C9: variants seen among roughly 807,000 people sequenced by gnomAD.
The protein encoded by C9 is complement component C9.
C9 carries 63 observed loss-of-function variants against 65.4 expected under a neutral mutation model. The observed-to-expected ratio is 0.96, with a 90% CI of 0.79 to 1.19. The LOEUF is 1.19. Among genes scored for constraint, C9 ranks in the 50% most tolerant of loss-of-function variants. The pLI is 0.00. For missense variants in C9, 744 were observed against 670.1 expected (o/e 1.11, Z -1.22); for synonymous variants, 229 against 227.9 (o/e 1.00, Z -0.04).
chr5:39,313,902 C>A (rs897933700), intron 6 of C9, among the ~76,000 whole-genome samples: 1 of 152,118 alleles, frequency 6.6e-6, no homozygotes, highest in African/African-American at 2.4e-5. Context: ...ACTGGTCTCC[C>A]TCTCCAAATC....
At chr5:39,288,413 A>G (rs925627707) in intron 10 of C9, among the ~76,000 whole-genome samples, 8 of 151,820 alleles carry the variant, frequency 5.3e-5, no homozygotes, top group Middle Eastern at 3.2e-3. Context: ...ACATTCATCA[A>G]TTCTATATAG....
At position 39,288,675 on chromosome 5, in the gene C9, C is replaced by T. The variant is rs878857017; in HGVS notation, c.1645+48G>A. The T allele has an allele frequency of 3.0e-6, 3 of 989,356 alleles. 1 individual carries two copies. In the Admixed American group the frequency reaches 5.1e-5, roughly 17 times the overall value. The allele number at this position is 989,356 out of a possible 1,614,324, so 61.3% of individuals were successfully genotyped here. On this transcript the variant is annotated intron_variant, in intron 10 of 10. Transcript: ENST00000263408. ...AGCTAGTTTTCAAATTAGATAACCC[C>T]AAAGTGCATATTTTTGTCTTTAATC...
chr5:39,335,795 C>T (rs1349725858), intron 4 of C9, among the ~76,000 whole-genome samples: 1 of 150,304 alleles, frequency 6.7e-6, no homozygotes, highest in African/African-American at 2.4e-5. Flanking sequence ...ATGGGAGGGT[C>T]ATTAAAAGAG....
intron 6 of C9, among the ~76,000 whole-genome samples, chr5:39,312,040 G>A (rs1033719411): frequency 1.3e-5 from 2 of 152,086 alleles, no homozygotes; most frequent in Non-Finnish European, 2.9e-5. Flanking sequence ...GGTAGGGAAC[G>A]GAAAAGGGCA....
At chr5:39,352,880 C>T (rs998128413) in intron 1 of C9, among the ~76,000 whole-genome samples, 1 of 150,886 alleles carries the variant, frequency 6.6e-6, no homozygotes, top group Non-Finnish European at 1.5e-5. Context: ...GGCAGAATAA[C>T]GACTCTCAAA....
intron 1 of C9, among the ~76,000 whole-genome samples, chr5:39,350,789 T>C (rs920860542): frequency 6.6e-6 from 1 of 152,174 alleles, no homozygotes; most frequent in Middle Eastern, 3.2e-3. Flanking sequence ...TGACATTGAG[T>C]GCCTGCAGCT....
At position 39,352,040 on chromosome 5, in the gene C9, A is replaced by T. The variant is rs368561108; in HGVS notation, c.78-9844T>A. ...GAGTTCCACAGATTGTATAGGAGGC[A>T]TGGCTGGGGAGGCCTCAGGAAACCC... On this transcript the variant is annotated intron_variant, in intron 1 of 10. Transcript: ENST00000263408. 5.1e-4 allele frequency among the ~76,000 whole-genome samples: 78 copies of T among 152,316 alleles called. 1 individual carries two copies. The highest frequency in any genetic ancestry group is 1.6e-3 in the African/African-American group (67 of 41,562).
chr5:39,326,913 C>A (rs1044004278), intron 5 of C9, among the ~76,000 whole-genome samples: 1 of 152,096 alleles, frequency 6.6e-6, no homozygotes, highest in Non-Finnish European at 1.5e-5. Flanking sequence ...GAAATATTAA[C>A]TTACAGTGTT....
intron 1 of C9, among the ~76,000 whole-genome samples, chr5:39,346,514 T>C (rs1288740791): frequency 1.3e-5 from 2 of 152,206 alleles, no homozygotes; most frequent in African/African-American, 2.4e-5. Flanking sequence ...GGCTCTGAAA[T>C]TGAGACAATA....
At position 39,321,013 on chromosome 5, in the gene C9, A is replaced by G. The variant is rs576396618; in HGVS notation, c.616-4984T>C. Among the ~76,000 whole-genome samples, 3 of 152,286 alleles carry G rather than the reference A, an allele frequency of 2.0e-5. No individual in the cohort carries two copies. The South Asian group carries it at 6.2e-4, about 32-fold the overall frequency. ...AAGTTCATTACCTCTAGACCTTCCT[A>G]TAAGAAATGCTAAAGGGAGTTCTTC... On this transcript the variant is annotated intron_variant, in intron 5 of 10. Coordinates refer to ENST00000263408, the MANE Select transcript of C9 (RefSeq NM_001737.5).
intron 1 of C9, among the ~76,000 whole-genome samples, chr5:39,363,173 C>A (rs1447288124): frequency 6.6e-6 from 1 of 152,184 alleles, no homozygotes; most frequent in African/African-American, 2.4e-5. Flanking sequence ...CTTTCCAAAT[C>A]CCTTTTGTGC....
At chr5:39,300,232 G>A (rs1054706949) in intron 9 of C9, among the ~76,000 whole-genome samples, 2 of 152,004 alleles carry the variant, frequency 1.3e-5, no homozygotes, top group African/African-American at 2.4e-5. Flanking sequence ...GGCCAGCATG[G>A]TGAAACCTGT....
intron 9 of C9, among the ~76,000 whole-genome samples, chr5:39,302,151 G>A (rs1283505589): frequency 1.3e-5 from 2 of 151,992 alleles, no homozygotes; most frequent in Non-Finnish European, 2.9e-5. Flanking sequence ...TTCAAATCCT[G>A]GAGTTAAAAA....
At chr5:39,286,385 A>G (rs1469137842) in intron 10 of C9, among the ~76,000 whole-genome samples, 3 of 152,068 alleles carry the variant, frequency 2.0e-5, no homozygotes, top group Non-Finnish European at 4.4e-5. Flanking sequence ...GAAACAATAT[A>G]TACTGGAACA....
intron 7 of C9, 140 bp downstream of exon 7, chr5:39,310,997 G>C: frequency 2.2e-6 from 2 of 920,060 alleles, no homozygotes; most frequent in South Asian, 2.8e-5. Flanking sequence ...AGGTGCCAAA[G>C]GGCAGGAAGA....
At chr5:39,350,904 G>T (rs1288486468) in intron 1 of C9, among the ~76,000 whole-genome samples, 1 of 152,200 alleles carries the variant, frequency 6.6e-6, no homozygotes, top group Non-Finnish European at 1.5e-5. Context: ...TAGGGACTCT[G>T]TGCAGGGGCT....
At position 39,303,325 on chromosome 5, in the gene C9, T is replaced by C. The variant is rs146941887; in HGVS notation, c.1416+3292A>G. On this transcript the variant is annotated intron_variant, in intron 9 of 10. Coordinates refer to ENST00000263408, the MANE Select transcript of C9 (RefSeq NM_001737.5). ...AAAGAGAGGGCCAGCCTATGTCCTC[T>C]GCATGGAGAAAGGCCAAGGAGAGAT... Among the ~76,000 whole-genome samples, 119 of 152,114 alleles carry C rather than the reference T, an allele frequency of 7.8e-4. 1 individual carries two copies. The highest frequency in any genetic ancestry group is 2.8e-3 in the African/African-American group (116 of 41,514).
Position 39,341,180 on chromosome 5 carries a change from C to T in C9, c.442G>A (p.Glu148Lys). ...PRPPCRDRVVEESELARTAGY... is the reference protein window; with the variant it reads ...PRPPCRDRVVKESELARTAGY... ...GCTGTTCGTGCCAGCTCAGACTCTT[C>T]TACCACTCTGTCTCTGCAGGGGGGA... Residue 148 changes from glutamate to lysine, a missense_variant, in exon 4 of 11, where the codon GAA becomes AAA. By Grantham distance (56) the Glu-to-Lys change is moderately conservative. Coordinates refer to ENST00000263408, the MANE Select transcript of C9 (RefSeq NM_001737.5). 6.2e-7 allele frequency: 1 copy of T among 1,614,234 alleles called. No homozygotes were observed. The highest frequency in any genetic ancestry group is 8.5e-7 in the Non-Finnish European group (1 of 1,180,048).
At chr5:39,310,284 CA>C (rs1261618537) in intron 7 of C9, among the ~76,000 whole-genome samples, 1 of 152,134 alleles carries the variant, frequency 6.6e-6, no homozygotes, top group Non-Finnish European at 1.5e-5. Context: ...TGGTTTTTAG[CA>C]ACGCTTTCCT....
Sources: allele counts gnomAD v4.1 joint callset (sites outside exome capture counted in the v4.1 genomes callset), GRCh38; gene constraint gnomAD v4.1.1; transcripts MANE v1.5; gene names NCBI Gene and HGNC (gene_info 2026-07-23, HGNC 2026-07-21).